Variants in HNRNPUL1 observed in about 807,000 individuals in gnomAD.
The protein encoded by HNRNPUL1 is heterogeneous nuclear ribonucleoprotein U like 1, also known as heterogeneous nuclear ribonucleoprotein U-like protein 1.
HNRNPUL1 carries 14 observed loss-of-function variants against 108.5 expected under a neutral mutation model. The ratio of observed to expected loss-of-function variants is 0.13; its 90% confidence interval spans 0.09 to 0.20. HNRNPUL1 has a LOEUF of 0.20. HNRNPUL1 is among the 10% of genes least tolerant of loss of function. HNRNPUL1 has a pLI of 1.00. For missense variants in HNRNPUL1, 804 were observed against 1,168.3 expected, an observed-to-expected ratio of 0.69 and a Z score of 4.55; for synonymous variants, 422 against 445.2, an observed-to-expected ratio of 0.95 and a Z score of 0.66.
chr19:41,274,459 C>T (rs1735861568), intron 4 of HNRNPUL1, among the ~76,000 whole-genome samples: 1 of 152,156 alleles, frequency 6.6e-6, no homozygotes, highest in Non-Finnish European at 1.5e-5. Flanking sequence ...CAACCAGTTC[C>T]CGTTTCCATC....
intron 7 of HNRNPUL1, among the ~76,000 whole-genome samples, chr19:41,281,758 C>A (rs912767737): frequency 1.3e-5 from 2 of 152,168 alleles, no homozygotes; most frequent in Non-Finnish European, 1.5e-5. Flanking sequence ...CAAAACAGAA[C>A]AGCTGTTGCT....
intron 4 of HNRNPUL1, among the ~76,000 whole-genome samples, chr19:41,275,671 C>T (rs1337815757): frequency 6.6e-6 from 1 of 152,196 alleles, no homozygotes; most frequent in Non-Finnish European, 1.5e-5. Flanking sequence ...CAATACTGCA[C>T]ATCCTCCCTA....
intron 14 of HNRNPUL1, 30 bp from the exon 15 acceptor site, chr19:41,306,419 C>A: frequency 1.3e-6 from 2 of 1,499,848 alleles, no homozygotes; most frequent in East Asian, 2.4e-5. Context: ...GGATGCAGGA[C>A]AACTTGGTGT....
chr19:41,271,119 C>T (rs1776528678), intron 2 of HNRNPUL1, among the ~76,000 whole-genome samples: 1 of 152,184 alleles, frequency 6.6e-6, no homozygotes, highest in African/African-American at 2.4e-5. Context: ...CCTCCCAGTG[C>T]CTTTTCTTAG....
At chr19:41,304,355 C>T (rs1212787498) in intron 13 of HNRNPUL1, 94 bp downstream of exon 13, 2 of 1,515,200 alleles carry the variant, frequency 1.3e-6, no homozygotes, top group East Asian at 4.6e-5. Flanking sequence ...GAAATCAACA[C>T]ATGCCCCAGC....
chr19:41,304,338 A>T, intron 13 of HNRNPUL1, 77 bp downstream of exon 13: 1 of 1,523,086 alleles, frequency 6.6e-7, no homozygotes, highest in Non-Finnish European at 8.8e-7. Context: ...GTGGAGGCGG[A>T]TCTGGGGAAA....
At position 41,268,186 on chromosome 19, in the gene HNRNPUL1, C is replaced by T. The variant is rs527582409; in HGVS notation, c.296-37C>T. 4.1e-5 allele frequency: 66 copies of T among 1,605,640 alleles called. No homozygotes were observed. The East Asian group carries it at 4.9e-4, about 12-fold the overall frequency. On this transcript the variant is annotated intron_variant, in intron 1 of 14. Transcript: ENST00000392006. ...CTTTGGTCCAGGGTTCTTCATGAAC[C>T]GCCCCTCTAATTGGCCATTTTTAAT...
chr19:41,268,451 C>G, intron 2 of HNRNPUL1, 106 bp downstream of exon 2: 1 of 1,220,532 alleles, frequency 8.2e-7, no homozygotes, highest in Non-Finnish European at 1.1e-6. Flanking sequence ...CATCTTTTTT[C>G]TTGGGCAGTT....
intron 10 of HNRNPUL1, among the ~76,000 whole-genome samples, chr19:41,297,451 G>C (rs1218291002): frequency 6.6e-6 from 1 of 152,206 alleles, no homozygotes; most frequent in African/African-American, 2.4e-5. Flanking sequence ...AGAGGAGAGA[G>C]AAAGGTGGAG....
At chr19:41,302,293 A>T in intron 11 of HNRNPUL1, 1 of 307,748 alleles carries the variant, frequency 3.2e-6, no homozygotes, top group East Asian at 8.1e-5. Flanking sequence ...ATCTTGGCTC[A>T]CCGCAACCTC....
At chr19:41,283,390 T>G (rs2036021385) in intron 7 of HNRNPUL1, among the ~76,000 whole-genome samples, 1 of 151,940 alleles carries the variant, frequency 6.6e-6, no homozygotes, top group East Asian at 1.9e-4. Context: ...AAGTGATTCT[T>G]GTGCCTCAGC....
chr19:41,276,632 CT>C (rs2035574820), intron 5 of HNRNPUL1: 1 of 190,872 alleles, frequency 5.2e-6, no homozygotes, highest in African/African-American at 2.3e-5. Context: ...AAAGAATAGA[CT>C]CAGATGTCAC....
chr19:41,286,601 C>T (rs553746254), intron 7 of HNRNPUL1: 2 of 151,976 alleles, frequency 1.3e-5, no homozygotes, highest in East Asian at 3.9e-4. Flanking sequence ...TGTGGACAGC[C>T]GATTGGCATA....
intron 5 of HNRNPUL1, 76 bp downstream of exon 5, chr19:41,276,374 C>T: frequency 6.7e-7 from 1 of 1,491,072 alleles, no homozygotes; most frequent in Non-Finnish European, 9.0e-7. Flanking sequence ...CCACCTTGGT[C>T]AGAGCTGCAA....
chr19:41,281,155 TC>T lies in HNRNPUL1; in HGVS notation c.887-6del. On this transcript the variant is annotated splice_region_variant and splice_polypyrimidine_tract_variant and intron_variant, in intron 6 of 14. Coordinates refer to ENST00000392006, the MANE Select transcript of HNRNPUL1 (RefSeq NM_007040.6). ...GTTTAACCTGCCTTTGCCTATTTCT[TC>T]CGTCAGGCGAAGAGCCTTTCTCCTA... The T allele has an allele frequency of 6.2e-7, 1 of 1,603,510 alleles. No homozygotes were observed. Among genetic ancestry groups the T allele is most frequent in the Non-Finnish European group, 8.5e-7 (1 of 1,170,362 alleles).
At chr19:41,278,794 T>G (rs1413521888) in intron 5 of HNRNPUL1, among the ~76,000 whole-genome samples, 1 of 152,170 alleles carries the variant, frequency 6.6e-6, no homozygotes, top group Non-Finnish European at 1.5e-5. Context: ...CTAAAGACAC[T>G]GTAACAGTTT....
In HNRNPUL1 at chr19:41,291,330, A is replaced by G. The variant is rs186638608; in HGVS notation, c.1000-915A>G. On this transcript the variant is annotated intron_variant, in intron 7 of 14. Transcript: ENST00000392006. The stretch of plus-strand genomic sequence containing the variant: ...CTGGTCGCTAAGCTCTGTCGGTCCC[A>G]GATTATGCAGACATGTGTATCAGAA... Among the ~76,000 whole-genome samples the G allele has an allele frequency of 2.9e-3, 435 of 152,322 alleles. 5 individuals carry two copies. Among genetic ancestry groups the G allele is most frequent in the African/African-American group, 0.01 (420 of 41,574 alleles).
chr19:41,275,487 C>CA lies in HNRNPUL1; in HGVS notation c.647-661dup, dbSNP rs924893381. Among the ~76,000 whole-genome samples the CA allele has an allele frequency of 9.8e-4, 143 of 145,756 alleles. 2 individuals are homozygous for CA. Among genetic ancestry groups the CA allele is most frequent in the South Asian group, 5.5e-3 (25 of 4,584 alleles). ...TGGGTGACAAAGCGAGACCTTGTCT[C>CA]AAAAAAAAAAATTAATTTGAAACTG... On this transcript the variant is annotated intron_variant, in intron 4 of 14. Coordinates refer to ENST00000392006, the MANE Select transcript of HNRNPUL1 (RefSeq NM_007040.6).
chr19:41,265,742 G>A (rs2034794804), intron 1 of HNRNPUL1, among the ~76,000 whole-genome samples: 1 of 152,038 alleles, frequency 6.6e-6, no homozygotes, highest in Admixed American at 6.5e-5. Flanking sequence ...GTAGCTGGGG[G>A]TGGGATGGGG....
Sources: gnomAD v4.1 joint callset for allele counts (sites outside exome capture counted in the v4.1 genomes callset) on GRCh38, gnomAD v4.1.1 for gene constraint, MANE v1.5 for transcripts, NCBI Gene and HGNC (gene_info 2026-07-23, HGNC 2026-07-21) for gene names.